BEND7: variants seen among roughly 807,000 people sequenced by gnomAD.
BEND7 encodes the protein BEN domain-containing protein 7.
In BEND7, 28 loss-of-function variants were observed where a neutral mutation model predicts 50.9. The ratio of observed to expected loss-of-function variants is 0.55; its 90% CI spans 0.41 to 0.75. The LOEUF (loss-of-function observed/expected upper bound fraction) is 0.75, where lower values mean the gene tolerates loss of function less well. Among genes scored for constraint, BEND7 ranks in the 30% least tolerant of loss-of-function variants. The pLI is 0.00. For synonymous variants in BEND7, 170 were observed against 183.9 expected, an observed-to-expected ratio of 0.92 and a Z score of 0.61; for missense variants, 477 against 491.3, an observed-to-expected ratio of 0.97 and a Z score of 0.28.
chr10:13,516,239 A>G (rs1402726772), intron 2 of BEND7, among the ~76,000 whole-genome samples: 1 of 152,204 alleles, frequency 6.6e-6, no homozygotes, highest in Non-Finnish European at 1.5e-5. Context: ...AAGGTAGTCG[A>G]GGTCACTCTA....
chr10:13,509,850 G>A (rs118109311), intron 2 of BEND7, among the ~76,000 whole-genome samples: 1 of 152,324 alleles, frequency 6.6e-6, no homozygotes, highest in East Asian at 1.9e-4. Context: ...AAAGTGACAG[G>A]AGATCAATGA....
intron 6 of BEND7, among the ~76,000 whole-genome samples, chr10:13,465,183 AG>A (rs1208875494): frequency 1.3e-5 from 2 of 152,224 alleles, no homozygotes; most frequent in African/African-American, 4.8e-5. Context: ...CTTAACTTGA[AG>A]GAACTGTAAG....
In BEND7 at chr10:13,461,224, T is replaced by A. The variant is rs758159275; in HGVS notation, c.1064-8566A>T. Among the ~76,000 whole-genome samples the A allele has an allele frequency of 2.6e-5, 4 of 152,280 alleles. No homozygotes were observed. In the East Asian group the frequency reaches 7.7e-4, roughly 29 times the overall value. On this transcript the variant is annotated intron_variant, in intron 6 of 8. Transcript: ENST00000466271. The stretch of plus-strand genomic sequence containing the variant: ...ATTCCAAAGGCACAGCCTGCGACTG[T>A]CCTGAGGCAGGTGAGGGAAAGGCAG...
chr10:13,485,750 C>T (rs1349484826), intron 5 of BEND7, among the ~76,000 whole-genome samples: 4 of 152,190 alleles, frequency 2.6e-5, no homozygotes, highest in African/African-American at 9.7e-5. Flanking sequence ...AAACCTCCCC[C>T]ATAATTGATT....
At chr10:13,505,051 G>A (rs191503557) in intron 2 of BEND7, among the ~76,000 whole-genome samples, 58 of 152,356 alleles carry the variant, frequency 3.8e-4, no homozygotes, top group Non-Finnish European at 2.6e-4. Context: ...ATAAAAGATG[G>A]TAACAAACAA....
At chr10:13,503,582 G>A (rs938028005) in intron 2 of BEND7, among the ~76,000 whole-genome samples, 7 of 152,162 alleles carry the variant, frequency 4.6e-5, no homozygotes, top group South Asian at 2.1e-4. Context: ...GCGTGGCAGC[G>A]CGCGCCTGTA....
At chr10:13,511,824 A>G (rs1369003557) in intron 2 of BEND7, among the ~76,000 whole-genome samples, 1 of 152,194 alleles carries the variant, frequency 6.6e-6, no homozygotes, top group Non-Finnish European at 1.5e-5. Context: ...GGAGATGCAG[A>G]GACTGTGAGG....
intron 2 of BEND7, among the ~76,000 whole-genome samples, chr10:13,511,734 G>A (rs1047044071): frequency 6.6e-6 from 1 of 152,168 alleles, no homozygotes; most frequent in Non-Finnish European, 1.5e-5. Context: ...TATGTACCAG[G>A]CCTCTGGTAA....
chr10:13,528,140 G>A (rs1465720953), intron 1 of BEND7, among the ~76,000 whole-genome samples: 2 of 152,148 alleles, frequency 1.3e-5, no homozygotes, highest in South Asian at 4.1e-4. Flanking sequence ...GAGGGTCCAC[G>A]CTCGGCCTGA....
At chr10:13,499,334 GC>G (rs1356564878) in intron 3 of BEND7, among the ~76,000 whole-genome samples, 1 of 150,166 alleles carries the variant, frequency 6.7e-6, no homozygotes, top group Non-Finnish European at 1.5e-5. Context: ...ACCCCTGTCC[GC>G]CCCCGCCTTT....
At position 13,506,915 on chromosome 10, in the gene BEND7, C is replaced by T. The variant is rs544071711; in HGVS notation, c.146-6835G>A. 7.8e-4 allele frequency among the ~76,000 whole-genome samples: 119 copies of T among 152,106 alleles called. 1 individual carries two copies. Among genetic ancestry groups the T allele is most frequent in the Non-Finnish European group, 1.3e-3 (85 of 67,992 alleles). ...ATAGATATAAACACCAGTAGGAGAA[C>T]TGGAAAAACATGCATGCAAGGGAGT... On this transcript the variant is annotated intron_variant, in intron 2 of 8. Coordinates refer to ENST00000466271, the MANE Select transcript of BEND7 (RefSeq NM_001369863.1).
At chr10:13,446,850 T>G (rs1428516327) in intron 8 of BEND7, 1 of 241,980 alleles carries the variant, frequency 4.1e-6, no homozygotes, top group Non-Finnish European at 7.9e-6. Context: ...GTCCACTGAT[T>G]GACTGCTCAA....
chr10:13,457,302 T>A (rs1420338531), intron 6 of BEND7, among the ~76,000 whole-genome samples: 4 of 152,196 alleles, frequency 2.6e-5, no homozygotes, highest in African/African-American at 7.2e-5. Flanking sequence ...TCCCATGTCA[T>A]GAGGGGGTTC....
chr10:13,468,117 G>A (rs938322717), intron 6 of BEND7, among the ~76,000 whole-genome samples: 1 of 152,168 alleles, frequency 6.6e-6, no homozygotes, highest in East Asian at 1.9e-4. Flanking sequence ...GAGTGTCCCA[G>A]TGTGCGCAGT....
chr10:13,490,615 C>A (rs775274971), intron 5 of BEND7, among the ~76,000 whole-genome samples: 4 of 152,176 alleles, frequency 2.6e-5, no homozygotes, highest in African/African-American at 9.7e-5. Context: ...GTTCTAGCTA[C>A]GGTTCTAAGA....
At chr10:13,500,867 CCCT>C in intron 2 of BEND7, 1 of 984,640 alleles carries the variant, frequency 1.0e-6, no homozygotes, top group Non-Finnish European at 1.2e-6. Context: ...CCCCACCGTG[CCCT>C]CCTCCCATGC....
chr10:13,448,150 T>C (rs1836833864), intron 7 of BEND7, among the ~76,000 whole-genome samples: 1 of 152,250 alleles, frequency 6.6e-6, no homozygotes, highest in South Asian at 2.1e-4. Context: ...TCGTGTCTGA[T>C]AAATGTATCC....
intron 5 of BEND7, among the ~76,000 whole-genome samples, chr10:13,488,634 T>C (rs1298231462): frequency 3.9e-5 from 6 of 152,338 alleles, no homozygotes; most frequent in South Asian, 4.1e-4. Flanking sequence ...ATTACAGGCA[T>C]GCGCCACTGC....
chr10:13,492,670 A>T lies in BEND7; in HGVS notation c.778T>A (p.Ser260Thr). ...CCTAGAACGCGGCTCTCCTCCGGGG[A>T]GGTGTGCTCGGCTGCCTGGAGAGCA... is the stretch of plus-strand genomic sequence containing the variant. ...LSALQAAEHT[S>T]PEESRVLGFG... Residue 260 changes from serine to threonine, a missense_variant, in exon 5 of 9, where the codon TCC becomes ACC. By Grantham distance (58) the Ser-to-Thr change is moderately conservative. Around this residue, in one of 3 missense-constraint regions of BEND7, gnomAD observed 396 missense variants for 384.2 expected, o/e 1.03. Transcript: ENST00000466271. 6.2e-7 allele frequency: 1 copy of T among 1,614,138 alleles called. No homozygotes were observed. The highest frequency in any genetic ancestry group is 8.5e-7 in the Non-Finnish European group (1 of 1,180,026).
Sources: gnomAD v4.1 joint callset for allele counts (sites outside exome capture counted in the v4.1 genomes callset) on GRCh38, gnomAD v4.1.1 for gene constraint, gnomAD v4.1.1 regional missense constraint, MANE v1.5 for transcripts, NCBI Gene and HGNC (gene_info 2026-07-23, HGNC 2026-07-21) for gene names.